Variants in TCF20 observed in about 807,000 individuals in gnomAD.
TCF20 encodes transcription factor 20, also known as SPRE-binding protein.
Under a neutral mutation model 148.6 loss-of-function variants are expected in TCF20, and 3 were observed. That is an observed-to-expected ratio of 0.02 (90% confidence interval 0.01 to 0.05). TCF20 has a LOEUF of 0.05. Among genes scored for constraint, TCF20 ranks in the 10% least tolerant of loss-of-function variants. TCF20 has a pLI of 1.00. For synonymous variants in TCF20, 1,049 were observed against 909.5 expected (o/e 1.15, Z -2.76); for missense variants, 2,350 against 2,429.3 (o/e 0.97, Z 0.69).
At chr22:42,195,493 T>C (rs1235320128) in intron 2 of TCF20, among the ~76,000 whole-genome samples, 1 of 151,904 alleles carries the variant, frequency 6.6e-6, no homozygotes, top group African/African-American at 2.4e-5. Flanking sequence ...ATTTCCAATA[T>C]TACATACTTT....
chr22:42,208,792 T>C (rs1234754333), intron 2 of TCF20, among the ~76,000 whole-genome samples: 2 of 151,152 alleles, frequency 1.3e-5, no homozygotes, highest in Non-Finnish European at 3.0e-5. Context: ...GCAGAGAAAA[T>C]AGAGGGAAGG....
intron 1 of TCF20, among the ~76,000 whole-genome samples, chr22:42,240,753 T>C (rs187591761): frequency 6.6e-6 from 1 of 152,164 alleles, no homozygotes; most frequent in East Asian, 1.9e-4. Flanking sequence ...TGAGGCCCCA[T>C]AGGGCTGCAT....
chr22:42,246,369 C>T (rs1321201580), intron 1 of TCF20, among the ~76,000 whole-genome samples: 1 of 152,154 alleles, frequency 6.6e-6, no homozygotes, highest in Non-Finnish European at 1.5e-5. Flanking sequence ...CTCGGCCTCC[C>T]AAAGTGCTGG....
Position 42,299,470 on chromosome 22 carries a change from A to G in TCF20, c.-37+44009T>C, listed in dbSNP as rs1927293778. On this transcript the variant is annotated intron_variant, in intron 1 of 1. Coordinates refer to the TCF20 transcript ENST00000515426. This position sits in a 1 kb window ranked among gnomAD's most constrained non-coding sequence, Gnocchi z 4.1. ...ATGCCCTGGGGCCTCAATTTCCCCC[A>G]GGACAAAGGGGCCTCAAGGCCTCAT... 6.6e-6 allele frequency among the ~76,000 whole-genome samples: 1 copy of G among 152,150 alleles called. No homozygotes were observed. The highest frequency in any genetic ancestry group is 1.9e-4 in the East Asian group (1 of 5,186).
chr22:42,185,770 T>C (rs1234356947), intron 2 of TCF20, among the ~76,000 whole-genome samples: 2 of 152,212 alleles, frequency 1.3e-5, no homozygotes, highest in Non-Finnish European at 2.9e-5. Flanking sequence ...TCCTTAGAGC[T>C]AGACGATCTC....
intron 1 of TCF20, among the ~76,000 whole-genome samples, chr22:42,323,823 TGCGGTGGTC>T (rs1280018613): frequency 6.9e-6 from 1 of 144,366 alleles, no homozygotes; most frequent in Non-Finnish European, 1.5e-5. Flanking sequence ...AGTGAGCTGT[TGCGGTGGTC>T]GCGGTGGTGG....
Position 42,290,064 on chromosome 22 carries a change from G to A in TCF20, c.-37+53415C>T, listed in dbSNP as rs992722984. On this transcript the variant is annotated intron_variant, in intron 1 of 1. Coordinates refer to the TCF20 transcript ENST00000515426. This position sits in a 1 kb window ranked among gnomAD's most constrained non-coding sequence, Gnocchi z 4.2. ...TCTCCACAGCCGGCTCACTCCCGCC[G>A]CACGCATGCGCCCCCTGCACCGCCG... Among the ~76,000 whole-genome samples, 1 of 152,222 alleles carries A rather than the reference G, an allele frequency of 6.6e-6. No homozygotes were observed.
intron 1 of TCF20, among the ~76,000 whole-genome samples, chr22:42,314,817 C>G (rs1201164083): frequency 6.6e-6 from 1 of 152,232 alleles, no homozygotes; most frequent in African/African-American, 2.4e-5. Flanking sequence ...GATTCAACAA[C>G]AATAAAGAGG....
chr22:42,262,842 T>C (rs1349956171), intron 1 of TCF20, among the ~76,000 whole-genome samples: 1 of 152,182 alleles, frequency 6.6e-6, no homozygotes, highest in Non-Finnish European at 1.5e-5. Context: ...AGAATACTTT[T>C]GATAACCCTA....
Position 42,316,760 on chromosome 22 carries a change from A to G in TCF20, c.-37+26719T>C, listed in dbSNP as rs575307897. Among the ~76,000 whole-genome samples, 13 of 152,252 alleles carry G rather than the reference A, an allele frequency of 8.5e-5. No homozygotes were observed. The East Asian group carries it at 2.5e-3, about 29-fold the overall frequency. ...TGGCCCACCTTTTCTTGCTGAAGCC[A>G]GGATCCGAACACATCACTTCCCTGC... On this transcript the variant is annotated intron_variant, in intron 1 of 1. Transcript: ENST00000515426.
intron 1 of TCF20, among the ~76,000 whole-genome samples, chr22:42,310,896 G>A (rs1338375745): frequency 6.6e-6 from 1 of 152,236 alleles, no homozygotes; most frequent in East Asian, 1.9e-4. Context: ...GCAGAGCAGC[G>A]GCAGGCAGAT....
chr22:42,194,388 G>A (rs898316830), intron 2 of TCF20, among the ~76,000 whole-genome samples: 7 of 152,142 alleles, frequency 4.6e-5, no homozygotes, highest in African/African-American at 1.4e-4. Flanking sequence ...TAAAACCCTC[G>A]CCCTGCCAGG....
intron 1 of TCF20, among the ~76,000 whole-genome samples, chr22:42,256,366 T>A (rs1051887167): frequency 2.0e-5 from 3 of 152,242 alleles, no homozygotes; most frequent in Non-Finnish European, 4.4e-5. Context: ...TTCTTTTTTC[T>A]TTTATTTTCT....
intron 5 of TCF20, among the ~76,000 whole-genome samples, chr22:42,163,274 G>A (rs1463292910): frequency 2.6e-5 from 4 of 152,200 alleles, no homozygotes; most frequent in Non-Finnish European, 5.9e-5. Flanking sequence ...CTACTTGTGG[G>A]CCCCTCCCTG....
chr22:42,315,878 C>T (rs1012547835), intron 1 of TCF20, among the ~76,000 whole-genome samples: 16 of 151,818 alleles, frequency 1.1e-4, no homozygotes, highest in African/African-American at 3.6e-4. Flanking sequence ...CTTTGGGAGG[C>T]CGAGGTGGGT....
At chr22:42,277,461 C>T (rs529779986) in intron 1 of TCF20, among the ~76,000 whole-genome samples, 1 of 152,284 alleles carries the variant, frequency 6.6e-6, no homozygotes, top group African/African-American at 2.4e-5. Flanking sequence ...GGATCTAGGA[C>T]ATTTGAGCTG....
At chr22:42,321,238 G>A (rs976369730) in intron 1 of TCF20, among the ~76,000 whole-genome samples, 3 of 152,190 alleles carry the variant, frequency 2.0e-5, no homozygotes, top group African/African-American at 7.2e-5. Context: ...ATGAGGGAAC[G>A]CCTGGCACCA....
chr22:42,181,885 T>C (rs1007349135), intron 2 of TCF20, among the ~76,000 whole-genome samples: 1 of 151,860 alleles, frequency 6.6e-6, no homozygotes, highest in South Asian at 2.1e-4. Context: ...GTGCTAAGAT[T>C]ACAAGCATGA....
rs1192985864 is a variant in TCF20 at position 42,168,777 on chromosome 22, A to G, written c.5800-41T>C. On this transcript the variant is annotated intron_variant, in intron 4 of 5. Coordinates refer to ENST00000677622, the MANE Select transcript of TCF20 (RefSeq NM_001378418.1). ...CCAAGAGGAGACAGACAGGTGGGAG[A>G]GGACAGTGCAGAAATCAGGGAGGGC... is the stretch of plus-strand genomic sequence containing the variant. 9 of 1,569,148 alleles carry G rather than the reference A, an allele frequency of 5.7e-6. No homozygotes were observed. The Admixed American group carries it at 1.2e-4, about 22-fold the overall frequency.
Sources: gnomAD v4.1 joint callset for allele counts (sites outside exome capture counted in the v4.1 genomes callset) on GRCh38, gnomAD v4.1.1 for gene constraint, Gnocchi (gnomAD v3.1) non-coding constraint, MANE v1.5 for transcripts, NCBI Gene and HGNC (gene_info 2026-07-23, HGNC 2026-07-21) for gene names.